The following PCDH11Y variants were observed in gnomAD, a reference collection of about 807,000 sequenced individuals.
PCDH11Y encodes the protein protocadherin-11 Y-linked.
For missense variants in PCDH11Y, 12 were observed against 224.8 expected (o/e 0.05, Z 6.05); for synonymous variants, 9 against 83.6 (o/e 0.11, Z 4.87).
chrY:5,302,250 GAAGC>G (rs2053084148), intron 2 of PCDH11Y, among the ~76,000 whole-genome samples: 1 of 30,990 alleles, frequency 3.2e-5, no homozygotes, highest in African/African-American at 1.3e-4. Flanking sequence ...AGGAAGGAAG[GAAGC>G]ACAGACATCA....
At chrY:5,323,657 T>A in intron 2 of PCDH11Y, among the ~76,000 whole-genome samples, 1 of 34,160 alleles carries the variant, frequency 2.9e-5, no homozygotes, top group African/African-American at 1.1e-4. Flanking sequence ...TGCTCTCCTG[T>A]CTTAATCATA....
At chrY:5,099,244 G>A in exon 2 of PCDH11Y, 1 of 396,526 alleles carries the variant, frequency 2.5e-6, no homozygotes, top group East Asian at 9.3e-5. Context: ...CATGCTGACT[G>A]TAGTGAAGAA....
intron 2 of PCDH11Y, among the ~76,000 whole-genome samples, chrY:5,278,773 A>G: frequency 3.0e-5 from 1 of 33,231 alleles, no homozygotes; most frequent in Non-Finnish European, 7.4e-5. Flanking sequence ...TCACTTACAA[A>G]TTGTAAATTT....
intron 2 of PCDH11Y, among the ~76,000 whole-genome samples, chrY:5,331,360 A>G (rs2053131335): frequency 3.0e-5 from 1 of 33,448 alleles, no homozygotes; most frequent in Non-Finnish European, 7.4e-5. Context: ...GGCATTCCAC[A>G]GTTAACCTGA....
intron 3 of PCDH11Y, among the ~76,000 whole-genome samples, chrY:5,044,614 A>C: frequency 3.1e-5 from 1 of 32,757 alleles, no homozygotes; most frequent in Admixed American, 2.8e-4. Flanking sequence ...AGTTCTGTAG[A>C]TGTCTATTAG....
chrY:5,351,295 AGTGTGTGTGTGTGT>A (rs756307805), intron 2 of PCDH11Y, among the ~76,000 whole-genome samples: 2 of 21,931 alleles, frequency 9.1e-5, no homozygotes, highest in African/African-American at 1.7e-4. Flanking sequence ...ATATGTGGGG[AGTGTGTGTGTGTGT>A]GTGTGTGTGT....
intron 2 of PCDH11Y, among the ~76,000 whole-genome samples, chrY:5,285,000 T>C (rs2124661129): frequency 3.7e-5 from 1 of 27,236 alleles, no homozygotes; most frequent in East Asian, 9.6e-4. Context: ...AATTGTTTTG[T>C]CACTCAGGTA....
chrY:5,003,828 G>A, intron 1 of PCDH11Y, among the ~76,000 whole-genome samples: 1 of 33,250 alleles, frequency 3.0e-5, no homozygotes, highest in Admixed American at 2.7e-4. Context: ...TAGAAGGGCC[G>A]CAGAATGCAG....
chrY:5,070,308 C>A (rs2052698073), intron 1 of PCDH11Y, among the ~76,000 whole-genome samples: 36 of 32,518 alleles, frequency 1.1e-3, no homozygotes, highest in African/African-American at 4.3e-3. Flanking sequence ...TACAATTCAA[C>A]TATGCATATC....
intron 2 of PCDH11Y, among the ~76,000 whole-genome samples, chrY:5,420,909 A>C: frequency 3.3e-5 from 1 of 30,497 alleles, no homozygotes; most frequent in South Asian, 7.2e-4. Flanking sequence ...ATAATTAAAA[A>C]AAAAAAAACA....
intron 4 of PCDH11Y, among the ~76,000 whole-genome samples, chrY:5,613,207 T>C (rs2053489907): frequency 7.0e-4 from 22 of 31,459 alleles, no homozygotes; most frequent in Admixed American, 2.9e-4. Context: ...AACAGGTTTT[T>C]TTTTTAAGGT....
At chrY:5,112,139 C>T in intron 2 of PCDH11Y, among the ~76,000 whole-genome samples, 1 of 33,501 alleles carries the variant, frequency 3.0e-5, no homozygotes, top group Non-Finnish European at 7.4e-5. Context: ...CATCCAGTAT[C>T]CCTGATATCA....
intron 2 of PCDH11Y, among the ~76,000 whole-genome samples, chrY:5,356,353 A>G (rs2124670955): frequency 3.0e-5 from 1 of 32,876 alleles, no homozygotes; most frequent in East Asian, 8.1e-4. Flanking sequence ...TCCAGGTGCT[A>G]GGGTAATTAC....
chrY:5,686,131 A>G, intron 4 of PCDH11Y, among the ~76,000 whole-genome samples: 1 of 33,365 alleles, frequency 3.0e-5, no homozygotes, highest in East Asian at 8.0e-4. Flanking sequence ...AGAGATAAGA[A>G]GTGTTCATGA....
intron 2 of PCDH11Y, among the ~76,000 whole-genome samples, chrY:5,366,790 G>A: frequency 2.8e-4 from 7 of 25,216 alleles, no homozygotes; most frequent in African/African-American, 1.1e-3. Flanking sequence ...GAGCAATCTC[G>A]GCTCACTGCA....
chrY:5,357,804 T>C, intron 2 of PCDH11Y, among the ~76,000 whole-genome samples: 1 of 33,912 alleles, frequency 2.9e-5, no homozygotes, highest in African/African-American at 1.1e-4. Flanking sequence ...ATAATTTATA[T>C]TTTGCTATTA....
At chrY:5,022,471 T>A in intron 1 of PCDH11Y, among the ~76,000 whole-genome samples, 5 of 29,283 alleles carry the variant, frequency 1.7e-4, no homozygotes, top group Admixed American at 1.3e-3. Context: ...TAAAAAAAAA[T>A]TAGCCAGGTG....
intron 1 of PCDH11Y, among the ~76,000 whole-genome samples, chrY:5,059,698 T>C: frequency 3.0e-5 from 1 of 33,580 alleles, no homozygotes; most frequent in Non-Finnish European, 7.4e-5. Context: ...TGTCAGCAAA[T>C]GACAAAAAGT....
intron 2 of PCDH11Y, among the ~76,000 whole-genome samples, chrY:5,424,451 A>G: frequency 3.0e-5 from 1 of 33,213 alleles, no homozygotes; most frequent in Non-Finnish European, 7.4e-5. Flanking sequence ...ACCTGATTCT[A>G]AACAATTTTC....
Sources: gnomAD v4.1 joint callset for allele counts (sites outside exome capture counted in the v4.1 genomes callset) on GRCh38, gnomAD v4.1.1 for gene constraint, MANE v1.5 for transcripts, NCBI Gene and HGNC (gene_info 2026-07-23, HGNC 2026-07-21) for gene names.